SWAP70: variants seen among roughly 807,000 people sequenced by gnomAD.
SWAP70 encodes the protein switch-associated protein 70.
Under a neutral mutation model 80.2 loss-of-function variants are expected in SWAP70, and 34 were observed. The observed-to-expected ratio is 0.42, with a 90% CI of 0.32 to 0.56. The LOEUF (loss-of-function observed/expected upper bound fraction) is 0.56. Ranked by LOEUF, SWAP70 falls within the 20% of genes least tolerant of loss-of-function variation. The pLI, the probability that SWAP70 is intolerant of heterozygous loss-of-function variation, is 0.09. For synonymous variants in SWAP70, 239 were observed against 238.5 expected (o/e 1.00, Z -0.02); for missense variants, 578 against 690.7 (o/e 0.84, Z 1.83).
intron 4 of SWAP70, among the ~76,000 whole-genome samples, chr11:9,725,561 ATATATATATTT>A (rs1437384982): frequency 3.1e-4 from 5 of 16,104 alleles, no homozygotes; most frequent in Admixed American, 1.7e-3. Flanking sequence ...ATATATATAT[ATATATATATTT>A]TTTTTTTTTT....
At chr11:9,725,063 G>GCA in intron 4 of SWAP70, 178 bp downstream of exon 4, 1 of 560,668 alleles carries the variant, frequency 1.8e-6, no homozygotes, top group Non-Finnish European at 3.1e-6. Flanking sequence ...GCAGTGACGT[G>GCA]ATCTTGGCTT....
At chr11:9,703,727 A>G (rs1850863309) in intron 2 of SWAP70, among the ~76,000 whole-genome samples, 3 of 152,214 alleles carry the variant, frequency 2.0e-5, no homozygotes, top group South Asian at 2.1e-4. Flanking sequence ...AGCTCTTAGC[A>G]TAGTAACTGG....
At position 9,750,620 on chromosome 11, in the gene SWAP70, T is replaced by G. The variant is rs1361825411; in HGVS notation, c.*650T>G. The G allele has an allele frequency of 6.6e-6, 1 of 152,248 alleles. No homozygotes were observed. Among genetic ancestry groups the G allele is most frequent in the Non-Finnish European group, 1.5e-5 (1 of 68,088 alleles). The allele number at this position is 152,248 out of a possible 1,614,324, so 9.4% of individuals were successfully genotyped here. ...AGACAGCACAGTCAGCTCTGCAGAG[T>G]TTGGAGGGGCTCACTGCCACTGGGT... On this transcript the variant is annotated 3_prime_UTR_variant, in exon 12 of 12. Coordinates refer to ENST00000318950, the MANE Select transcript of SWAP70 (RefSeq NM_015055.4).
chr11:9,748,000 A>C lies in SWAP70; in HGVS notation c.1498A>C (p.Met500Leu). 6.2e-7 allele frequency: 1 copy of C among 1,614,154 alleles called. No homozygotes were observed. The highest frequency in any genetic ancestry group is 8.5e-7 in the Non-Finnish European group (1 of 1,179,972). Reference protein sequence around the residue: ...VLKEQALQEAMEQLEQLELER... With the variant: ...VLKEQALQEALEQLEQLELER... ...GAAGGAACAGGCCCTGCAGGAGGCC[A>C]TGGAGCAGCTGGAGCAGCTTGAGTT... The change falls in exon 10 of 12, where the codon ATG becomes CTG. Residue 500 changes from methionine (M) to leucine (L), a missense_variant. Coordinates refer to ENST00000318950, the MANE Select transcript of SWAP70 (RefSeq NM_015055.4).
At chr11:9,701,668 C>G (rs1438647356) in intron 2 of SWAP70, among the ~76,000 whole-genome samples, 1 of 118,788 alleles carries the variant, frequency 8.4e-6, no homozygotes, top group Admixed American at 8.8e-5. Flanking sequence ...CTTTAAACGT[C>G]TAGGAAGAAA....
At chr11:9,695,738 TTTG>T (rs558959426) in intron 2 of SWAP70, among the ~76,000 whole-genome samples, 12 of 152,210 alleles carry the variant, frequency 7.9e-5, no homozygotes, top group Non-Finnish European at 1.0e-4. Context: ...TCCGTTTTTT[TTTG>T]TTGTTGTTGT....
intron 1 of SWAP70, among the ~76,000 whole-genome samples, chr11:9,671,523 A>AATAT (rs1461336484): frequency 1.9e-5 from 1 of 52,156 alleles, no homozygotes; most frequent in African/African-American, 5.8e-5. Flanking sequence ...TATATATATA[A>AATAT]ATATATAAAT....
chr11:9,726,926 C>T (rs1234366447), intron 4 of SWAP70: 5 of 456,230 alleles, frequency 1.1e-5, no homozygotes, highest in Non-Finnish European at 2.2e-5. Flanking sequence ...AGAGTTCCTC[C>T]TTCAGAATAT....
At chr11:9,710,441 A>G (rs1007046464) in intron 2 of SWAP70, among the ~76,000 whole-genome samples, 2 of 152,136 alleles carry the variant, frequency 1.3e-5, no homozygotes, top group Non-Finnish European at 2.9e-5. Flanking sequence ...GCAGAACACA[A>G]AGGAGCTCTT....
intron 4 of SWAP70, among the ~76,000 whole-genome samples, chr11:9,725,935 C>T (rs149943308): frequency 2.5e-4 from 36 of 145,314 alleles, no homozygotes; most frequent in African/African-American, 7.4e-4. Flanking sequence ...CATGGCATAA[C>T]GTTGAGTGAA....
chr11:9,746,324 A>C lies in SWAP70; in HGVS notation c.1356-1534A>C, dbSNP rs1851511982. Reference sequence around the variant, plus strand: ...ACATGAAGGAGTTCAGAGGCTGGGCAGCCTAAGCACCTGGAAATGTCCATT... The same window carrying C: ...ACATGAAGGAGTTCAGAGGCTGGGCCGCCTAAGCACCTGGAAATGTCCATT... On this transcript the variant is annotated intron_variant, in intron 9 of 11. Coordinates refer to ENST00000318950, the MANE Select transcript of SWAP70 (RefSeq NM_015055.4). Among the ~76,000 whole-genome samples the C allele has an allele frequency of 2.0e-5, 3 of 152,204 alleles. No individual in the cohort carries two copies. In the South Asian group the frequency reaches 6.2e-4, roughly 31 times the overall value.
chr11:9,671,647 T>TACATAG (rs1850399953), intron 1 of SWAP70, among the ~76,000 whole-genome samples: 4 of 90,818 alleles, frequency 4.4e-5, no homozygotes, highest in African/African-American at 1.2e-4. Flanking sequence ...TATTTCTATA[T>TACATAG]AAATATATTT....
chr11:9,683,497 C>T (rs1226237711), intron 1 of SWAP70, among the ~76,000 whole-genome samples: 2 of 152,126 alleles, frequency 1.3e-5, no homozygotes, highest in East Asian at 1.9e-4. Context: ...GGGGGTGATT[C>T]AGACTGCCAA....
At chr11:9,679,248 A>G (rs1353285092) in intron 1 of SWAP70, among the ~76,000 whole-genome samples, 1 of 152,064 alleles carries the variant, frequency 6.6e-6, no homozygotes, top group Non-Finnish European at 1.5e-5. Context: ...TTGAAGGAGG[A>G]GAATGGTGTT....
chr11:9,741,951 A>G (rs1851446070), intron 9 of SWAP70: 1 of 149,074 alleles, frequency 6.7e-6, no homozygotes, highest in African/African-American at 2.5e-5. Flanking sequence ...AAAAAAAAAA[A>G]AAAAAAAGTC....
chr11:9,733,977 C>T (rs569282158), intron 7 of SWAP70, among the ~76,000 whole-genome samples: 21 of 152,096 alleles, frequency 1.4e-4, no homozygotes, highest in Admixed American at 3.3e-4. Context: ...ATCCCTTATC[C>T]GAAATGCTTA....
At chr11:9,685,934 G>A (rs1292420509) in intron 1 of SWAP70, among the ~76,000 whole-genome samples, 1 of 151,660 alleles carries the variant, frequency 6.6e-6, no homozygotes, top group Non-Finnish European at 1.5e-5. Flanking sequence ...TGCTCCCGGC[G>A]AGGCCTCACC....
rs769550588 is a variant in SWAP70 at position 9,732,653 on chromosome 11, G to C, written c.1023G>C (p.Met341Ile). 3 of 1,572,616 alleles carry C rather than the reference G, an allele frequency of 1.9e-6. No homozygotes were observed. The highest frequency in any genetic ancestry group is 2.6e-6 in the Non-Finnish European group (3 of 1,157,580). ...AACAAGAGGAACTGGAGCGACAAAT[G>C]AAGGAACTCCAGGCCGCCAACGAAA... The part of the protein sequence containing the change: ...LAEQEELERQ[M>I]KELQAANESK... Residue 341 changes from methionine (M) to isoleucine (I), a missense_variant, in exon 7 of 12, where the codon ATG becomes ATC. Transcript: ENST00000318950.
intron 2 of SWAP70, among the ~76,000 whole-genome samples, chr11:9,707,352 A>AT (rs932311064): frequency 1.3e-5 from 2 of 151,652 alleles, no homozygotes; most frequent in Non-Finnish European, 2.9e-5. Context: ...CCATTCTACT[A>AT]TTTTTTTAAA....
Sources: allele counts gnomAD v4.1 joint callset (sites outside exome capture counted in the v4.1 genomes callset), GRCh38; gene constraint gnomAD v4.1.1; transcripts MANE v1.5; gene names NCBI Gene and HGNC (gene_info 2026-07-23, HGNC 2026-07-21).